The following LGMN variants were observed in gnomAD, a reference collection of about 807,000 sequenced individuals.
The protein encoded by LGMN is legumain.
Under a neutral mutation model 56.8 loss-of-function variants are expected in LGMN, and 36 were observed. The observed-to-expected ratio is 0.63, with a 90% CI of 0.49 to 0.84. LGMN has a LOEUF of 0.84. Ranked by LOEUF, LGMN falls within the 40% of genes least tolerant of loss-of-function variation. The probability of loss-of-function intolerance (pLI) is 0.00; values close to 1 mark genes in which losing one functional copy is unlikely to be tolerated. For missense variants in LGMN, 446 were observed against 556.1 expected (o/e 0.80, Z 1.99); for synonymous variants, 199 against 210.1 (o/e 0.95, Z 0.46).
chr14:92,713,270 C>T (rs548281892), intron 7 of LGMN, among the ~76,000 whole-genome samples: 2 of 151,924 alleles, frequency 1.3e-5, no homozygotes, highest in South Asian at 2.1e-4. Flanking sequence ...AGTAGAGACA[C>T]GGTCTCACTA....
In LGMN at chr14:92,718,825, T is replaced by C; in HGVS notation, c.158A>G (p.Tyr53Cys). ...YRHQADACHA[Y>C]QIIHRNGIPD... is the part of the protein sequence containing the mutation. Reference sequence around the variant, plus strand: ...AATCCCATTGCGGTGAATGATCTGGTAGGCATGGCACGCGTCTGCCTGGGA... The same window carrying C: ...AATCCCATTGCGGTGAATGATCTGGCAGGCATGGCACGCGTCTGCCTGGGA... The change falls in exon 3 of 14, where the codon TAC becomes TGC. Residue 53 changes from tyrosine (Y) to cysteine (C), a missense_variant. Physicochemically the swap from Tyr to Cys is radical, Grantham distance 194. Transcript: ENST00000334869. The C allele has an allele frequency of 6.2e-7, 1 of 1,613,256 alleles. No homozygotes were observed. Among genetic ancestry groups the C allele is most frequent in the Non-Finnish European group, 8.5e-7 (1 of 1,179,318 alleles).
chr14:92,706,515 G>A lies in LGMN; in HGVS notation c.1159C>T (p.Arg387Trp), dbSNP rs751929913. ...GAGTGCCAGTTGAAGCAGTGGGTCC[G>A]GAAGTGCAGCAGGGCCTCTGGGTAG... ...SCYPEALLHF[R>W]THCFNWHSPT... The change falls in exon 12 of 14, where the codon CGG (arginine) becomes TGG (tryptophan). Residue 387 changes from arginine (R) to tryptophan (W), a missense_variant. By Grantham distance (101) the Arg-to-Trp change is moderately radical. Coordinates refer to ENST00000334869, the MANE Select transcript of LGMN (RefSeq NM_005606.7). 2.2e-5 allele frequency: 35 copies of A among 1,581,082 alleles called. No homozygotes were observed. The highest frequency in any genetic ancestry group is 1.4e-4 in the East Asian group (6 of 44,204).
intron 4 of LGMN, among the ~76,000 whole-genome samples, chr14:92,717,173 G>A (rs1054536910): frequency 2.0e-5 from 3 of 152,178 alleles, no homozygotes; most frequent in Non-Finnish European, 2.9e-5. Flanking sequence ...TCAGTGGATT[G>A]CAACTTATTC....
intron 10 of LGMN, 129 bp downstream of exon 10, chr14:92,711,530 G>A: frequency 1.2e-6 from 1 of 858,682 alleles, no homozygotes; most frequent in Non-Finnish European, 2.0e-6. Flanking sequence ...GGCATGAGAG[G>A]CAGAGGCATC....
intron 2 of LGMN, among the ~76,000 whole-genome samples, chr14:92,729,467 G>C (rs1360127937): frequency 1.4e-3 from 35 of 25,376 alleles, no homozygotes; most frequent in East Asian, 0.011. Flanking sequence ...CTCAGATCAC[G>C]CCCCCCCCCC....
rs780256263 is a variant in LGMN, at chr14:92,714,994, A to ATTTTTTTTT, written c.405-552_405-544dup. Among the ~76,000 whole-genome samples the ATTTTTTTTT allele has an allele frequency of 2.4e-5, 3 of 127,390 alleles. No individual in the cohort carries two copies. The highest frequency in any genetic ancestry group is 9.3e-5 in the African/African-American group (3 of 32,422). 83.6% of individuals were successfully genotyped at this position (127,390 alleles called of 152,430 possible). A position where few individuals can be genotyped will look rare whatever the true frequency, so the allele number is the denominator to read the frequency against. ...CTCACAGATGTCCATCTCCATACTA[A>ATTTTTTTTT]TTTTTTTTTTTTTTTTTTTTTTGAG... is the stretch of plus-strand genomic sequence containing the variant. On this transcript the variant is annotated intron_variant, in intron 5 of 13. Transcript: ENST00000334869. This position sits in a 1 kb window ranked among gnomAD's most constrained non-coding sequence, Gnocchi z 5.1.
At chr14:92,718,390 A>G (rs1037498268) in intron 3 of LGMN, among the ~76,000 whole-genome samples, 1 of 152,154 alleles carries the variant, frequency 6.6e-6, no homozygotes, top group Non-Finnish European at 1.5e-5. Context: ...CCTGGCCAAC[A>G]TGGTGAAATC....
intron 11 of LGMN, among the ~76,000 whole-genome samples, chr14:92,708,890 A>G (rs1889589718): frequency 6.7e-6 from 1 of 149,668 alleles, no homozygotes; most frequent in Non-Finnish European, 1.5e-5. Context: ...AATCTTGCCT[A>G]GAAAACTCAG....
At chr14:92,744,983 A>G (rs1891755713) in intron 1 of LGMN, among the ~76,000 whole-genome samples, 1 of 152,118 alleles carries the variant, frequency 6.6e-6, no homozygotes. Context: ...AATGGTTAGA[A>G]CTTAGGTTTC....
At chr14:92,708,263 C>T (rs1325955031) in intron 11 of LGMN, among the ~76,000 whole-genome samples, 4 of 151,898 alleles carry the variant, frequency 2.6e-5, no homozygotes, top group Admixed American at 2.0e-4. Flanking sequence ...AGACATAACC[C>T]ACCATGAACA....
In LGMN at chr14:92,714,004, C is replaced by T. The variant is rs1889934955; in HGVS notation, c.481-119G>A. On this transcript the variant is annotated intron_variant, in intron 6 of 13. Transcript: ENST00000334869. This position sits in a 1 kb window ranked among gnomAD's most constrained non-coding sequence, Gnocchi z 5.1. Reference sequence around the variant, plus strand: ...TTTTCTACCAATCCCTAGAAGTAATCATGGTGAAGAACATAACCCCAGAAT... The same window carrying T: ...TTTTCTACCAATCCCTAGAAGTAATTATGGTGAAGAACATAACCCCAGAAT... 1.2e-6 allele frequency: 1 copy of T among 804,580 alleles called. No homozygotes were observed. The highest frequency in any genetic ancestry group is 2.2e-6 in the Non-Finnish European group (1 of 459,368). The allele number at this position is 804,580 out of a possible 1,614,324, so 49.8% of individuals were successfully genotyped here. A position where few individuals can be genotyped will look rare whatever the true frequency, so the allele number is the denominator to read the frequency against.
chr14:92,737,065 G>T (rs1891340847), intron 1 of LGMN, among the ~76,000 whole-genome samples: 1 of 152,078 alleles, frequency 6.6e-6, no homozygotes, highest in Non-Finnish European at 1.5e-5. Flanking sequence ...CCTAGGGTAG[G>T]GGTAGGCTAA....
rs118160186 is a variant in LGMN at position 92,721,769 on chromosome 14, A to G, written c.139-2925T>C. 8.0e-3 allele frequency among the ~76,000 whole-genome samples: 1,223 copies of G among 152,350 alleles called. 7 individuals carry two copies. Among genetic ancestry groups the G allele is most frequent in the Non-Finnish European group, 0.012 (840 of 68,026 alleles). ...TCAACAGCTGGAAAAATAAATTGTC[A>G]TAAGTTCACATAAATGGAATACCTG... On this transcript the variant is annotated intron_variant, in intron 2 of 13. Transcript: ENST00000334869.
chr14:92,717,073 C>G (rs1890108833), intron 4 of LGMN, among the ~76,000 whole-genome samples: 1 of 152,162 alleles, frequency 6.6e-6, no homozygotes, highest in Non-Finnish European at 1.5e-5. Context: ...CACAGGTAAT[C>G]TATGATCAGA....
chr14:92,747,126 T>C (rs1891857335), intron 1 of LGMN, among the ~76,000 whole-genome samples: 1 of 152,124 alleles, frequency 6.6e-6, no homozygotes, highest in Non-Finnish European at 1.5e-5. Flanking sequence ...CATTGCTCTT[T>C]CTCTGCCTTC....
intron 10 of LGMN, among the ~76,000 whole-genome samples, chr14:92,710,203 GC>G (rs1317570736): frequency 6.6e-6 from 1 of 152,238 alleles, no homozygotes; most frequent in Non-Finnish European, 1.5e-5. Flanking sequence ...TCCAAGCTCT[GC>G]CTGACTGCAT....
intron 2 of LGMN, among the ~76,000 whole-genome samples, chr14:92,729,465 A>ACCCCCCC (rs1890919898): frequency 1.1e-4 from 2 of 18,122 alleles, no homozygotes; most frequent in Non-Finnish European, 1.8e-4. Context: ...ACCTCAGATC[A>ACCCCCCC]CGCCCCCCCC....
At chr14:92,707,450 T>C (rs142322982) in intron 11 of LGMN, among the ~76,000 whole-genome samples, 185 of 152,292 alleles carry the variant, frequency 1.2e-3, no homozygotes, top group African/African-American at 4.4e-3. Context: ...CTCAACTCTG[T>C]ATCTTTACAA....
At position 92,714,424 on chromosome 14, in the gene LGMN, G is replaced by A; in HGVS notation, c.432C>T (p.Tyr144=). 1 of 1,612,190 alleles carries A rather than the reference G, an allele frequency of 6.2e-7. No individual in the cohort carries two copies. Among genetic ancestry groups the A allele is most frequent in the Non-Finnish European group, 8.5e-7 (1 of 1,178,314 alleles). The change falls in exon 6 of 14, where the codon TAC becomes TAT. Residue 144 remains tyrosine, a synonymous_variant. Transcript: ENST00000334869. The surrounding 1 kb of genome is among the most constrained non-coding windows in gnomAD (Gnocchi z 5.1). ...TTCCAGTAGATCCATGGTCAGTGAA[G>A]TAAATGAACACGTGATCCTGGGGGC... is the stretch of plus-strand genomic sequence containing the variant. ...KSGPQDHVFI[Y]FTDHGSTGIL...
Sources: allele counts gnomAD v4.1 joint callset (sites outside exome capture counted in the v4.1 genomes callset), GRCh38; gene constraint gnomAD v4.1.1; non-coding constraint Gnocchi (gnomAD v3.1); transcripts MANE v1.5; gene names NCBI Gene and HGNC (gene_info 2026-07-23, HGNC 2026-07-21).